PCDHGB5: variants seen among roughly 807,000 people sequenced by gnomAD.
The protein encoded by PCDHGB5 is protocadherin gamma-B5.
Under a neutral mutation model 62.9 loss-of-function variants are expected in PCDHGB5, and 48 were observed. The ratio of observed to expected loss-of-function variants is 0.76; its 90% CI spans 0.61 to 0.97. PCDHGB5 has a LOEUF of 0.97. Among genes scored for constraint, PCDHGB5 ranks in the 50% least tolerant of loss-of-function variants. The probability of loss-of-function intolerance (pLI) is 0.00; values close to 1 mark genes in which losing one functional copy is unlikely to be tolerated. For missense variants in PCDHGB5, 1,118 were observed against 1,198.6 expected (o/e 0.93, Z 0.99); for synonymous variants, 474 against 511.2 (o/e 0.93, Z 0.98).
intron 1 of PCDHGB5, among the ~76,000 whole-genome samples, chr5:141,450,829 A>ATTATTT (rs1554136902): frequency 7.4e-6 from 1 of 135,144 alleles, no homozygotes; most frequent in Admixed American, 7.6e-5. Context: ...TATTATTATT[A>ATTATTT]TTTTTTTTTT....
Position 141,464,284 on chromosome 5 carries a change from A to C in PCDHGB5, c.2398-30523A>C, listed in dbSNP as rs1237360752. ...CGTCTAAAAAAAAAAAAAAGCAAAA[A>C]AAAAAACTCCATTGTATGTGCACAT... On this transcript the variant is annotated intron_variant, in intron 1 of 3. Coordinates refer to ENST00000617380, the MANE Select transcript of PCDHGB5 (RefSeq NM_018925.3). 4.0e-5 allele frequency among the ~76,000 whole-genome samples: 6 copies of C among 151,546 alleles called. No individual in the cohort carries two copies. The South Asian group carries it at 1.0e-3, about 26-fold the overall frequency.
intron 2 of PCDHGB5, among the ~76,000 whole-genome samples, chr5:141,500,666 G>A (rs567881941): frequency 3.6e-4 from 55 of 152,250 alleles, no homozygotes; most frequent in African/African-American, 1.3e-3. Context: ...AGGCCATACT[G>A]TCCAACAGAA....
intron 1 of PCDHGB5, among the ~76,000 whole-genome samples, chr5:141,407,761 G>T (rs938743690): frequency 6.6e-6 from 1 of 152,132 alleles, no homozygotes; most frequent in Non-Finnish European, 1.5e-5. Context: ...GTATAAGTTT[G>T]AAATTGTGCA....
intron 1 of PCDHGB5, among the ~76,000 whole-genome samples, chr5:141,482,940 G>T (rs1245833250): frequency 6.6e-6 from 1 of 152,026 alleles, no homozygotes; most frequent in East Asian, 1.9e-4. Context: ...AGGTGTGGTT[G>T]TGGGTGCCTG....
intron 1 of PCDHGB5, chr5:141,492,003 T>G: frequency 1.6e-6 from 1 of 626,972 alleles, no homozygotes; most frequent in Non-Finnish European, 2.6e-6. Context: ...TCGGGCGATT[T>G]CCGCGGGTGT....
chr5:141,422,197 G>C, intron 1 of PCDHGB5: 1 of 1,562,284 alleles, frequency 6.4e-7, no homozygotes, highest in Non-Finnish European at 8.6e-7. Flanking sequence ...TCAAGGCCAA[G>C]ATGGTGGAGG....
chr5:141,495,900 G>A (rs1403705200), intron 2 of PCDHGB5, among the ~76,000 whole-genome samples: 2 of 151,894 alleles, frequency 1.3e-5, no homozygotes, highest in East Asian at 1.9e-4. Context: ...CTTTGTCTCT[G>A]TCTCTGTATA....
intron 1 of PCDHGB5, chr5:141,420,464 C>A: frequency 1.2e-6 from 1 of 801,488 alleles, no homozygotes; most frequent in South Asian, 4.0e-5. Flanking sequence ...TATTCAAAGA[C>A]ATTTTAAAGC....
chr5:141,497,413 T>A (rs572922456), intron 2 of PCDHGB5, among the ~76,000 whole-genome samples: 1 of 151,928 alleles, frequency 6.6e-6, no homozygotes, highest in African/African-American at 2.4e-5. Context: ...TCCCATTCCA[T>A]CAAATGAGAG....
chr5:141,443,820 T>C (rs1329478151), intron 1 of PCDHGB5, among the ~76,000 whole-genome samples: 1 of 151,986 alleles, frequency 6.6e-6, no homozygotes. Flanking sequence ...TTGGAAAACA[T>C]AATTAGGTAA....
intron 1 of PCDHGB5, among the ~76,000 whole-genome samples, chr5:141,455,289 A>C (rs1592356100): frequency 6.6e-6 from 1 of 152,074 alleles, no homozygotes; most frequent in South Asian, 2.1e-4. Flanking sequence ...ATCACTTTAC[A>C]TAGTTTCATC....
At chr5:141,488,198 G>C (rs1007623840) in intron 1 of PCDHGB5, among the ~76,000 whole-genome samples, 1 of 152,166 alleles carries the variant, frequency 6.6e-6, no homozygotes, top group Non-Finnish European at 1.5e-5. Flanking sequence ...CTGGGTCTTA[G>C]GACTCATATC....
chr5:141,487,751 G>A lies in PCDHGB5; in HGVS notation c.2398-7056G>A. ...CACCATTTTTGTAAGAGGTAACTAT[G>A]TGGTAGACGCTGTGCTTTGTAACTG... On this transcript the variant is annotated intron_variant, in intron 1 of 3. Coordinates refer to ENST00000617380, the MANE Select transcript of PCDHGB5 (RefSeq NM_018925.3). This position sits in a 1 kb window ranked among gnomAD's most constrained non-coding sequence, Gnocchi z 5.0. 1 of 1,555,004 alleles carries A rather than the reference G, an allele frequency of 6.4e-7. No homozygotes were observed.
intron 1 of PCDHGB5, chr5:141,422,104 T>C: frequency 6.2e-7 from 1 of 1,607,960 alleles, no homozygotes; most frequent in Non-Finnish European, 8.5e-7. Context: ...TTCTGAAATA[T>C]TCCAATTGGA....
At chr5:141,499,029 A>AAGGAAGGAAGGAAGG (rs1562187768) in intron 2 of PCDHGB5, among the ~76,000 whole-genome samples, 10 of 139,968 alleles carry the variant, frequency 7.1e-5, no homozygotes, top group African/African-American at 2.8e-4. Context: ...AGGAAGGAAG[A>AAGGAAGGAAGGAAGG]AAAGAAAGAA....
chr5:141,422,260 G>A, intron 1 of PCDHGB5: 1 of 1,564,392 alleles, frequency 6.4e-7, no homozygotes, highest in South Asian at 1.2e-5. Context: ...GAATGATAAC[G>A]CTCCAGAAAT....
chr5:141,420,187 C>T (rs1369031488), intron 1 of PCDHGB5: 7 of 1,613,824 alleles, frequency 4.3e-6, no homozygotes, highest in Non-Finnish European at 5.9e-6. Context: ...ATTGTCCAGC[C>T]ACACAAGATA....
At chr5:141,407,135 G>T (rs2094890312) in intron 1 of PCDHGB5, among the ~76,000 whole-genome samples, 1 of 151,812 alleles carries the variant, frequency 6.6e-6, no homozygotes, top group African/African-American at 2.4e-5. Context: ...TTATTTTTAA[G>T]AAAAAAAAGC....
chr5:141,491,802 G>C lies in PCDHGB5; in HGVS notation c.2398-3005G>C, dbSNP rs759587995. 1 of 1,497,480 alleles carries C rather than the reference G, an allele frequency of 6.7e-7. No homozygotes were observed. The highest frequency in any genetic ancestry group is 1.3e-5 in the South Asian group (1 of 74,938). The allele number at this position is 1,497,480 out of a possible 1,614,324, so 92.8% of individuals were successfully genotyped here. A position where few individuals can be genotyped will look rare whatever the true frequency, so the allele number is the denominator to read the frequency against. On this transcript the variant is annotated intron_variant, in intron 1 of 3. Coordinates refer to ENST00000617380, the MANE Select transcript of PCDHGB5 (RefSeq NM_018925.3). The surrounding 1 kb of genome is among the most constrained non-coding windows in gnomAD (Gnocchi z 6.9). ...ACTTGCATCCACTCCTCTCCGGCCG[G>C]CTTGGTCGCTGGCTGCGCTCCACCC...
Sources: allele counts gnomAD v4.1 joint callset (sites outside exome capture counted in the v4.1 genomes callset), GRCh38; gene constraint gnomAD v4.1.1; non-coding constraint Gnocchi (gnomAD v3.1); transcripts MANE v1.5; gene names NCBI Gene and HGNC (gene_info 2026-07-23, HGNC 2026-07-21).